ZSCAN25: variants seen among roughly 807,000 people sequenced by gnomAD.
ZSCAN25 encodes zinc finger and SCAN domain containing 25, also known as zinc finger and SCAN domain-containing protein 25.
ZSCAN25 carries 27 observed loss-of-function variants against 38.7 expected under a neutral mutation model. That is an observed-to-expected ratio of 0.70 (90% confidence interval 0.51 to 0.96). ZSCAN25 has a LOEUF of 0.96. ZSCAN25 is among the 40% of genes least tolerant of loss of function. The pLI, the probability that ZSCAN25 is intolerant of heterozygous loss-of-function variation, is 0.00. For synonymous variants in ZSCAN25, 273 were observed against 277.7 expected (o/e 0.98, Z 0.17); for missense variants, 637 against 705.9 (o/e 0.90, Z 1.11).
the ZSCAN25 span, among the ~76,000 whole-genome samples, chr7:99,693,602 C>G: frequency 1.3e-5 from 2 of 152,226 alleles, no homozygotes; most frequent in Admixed American, 1.3e-4. Context: ...GTAAGCTACT[C>G]AAGCCTCAGC....
At chr7:99,722,407 C>A in the ZSCAN25 span, 1 of 1,593,114 alleles carries the variant, frequency 6.3e-7, no homozygotes, top group Non-Finnish European at 8.6e-7. Context: ...AACCCTGCCT[C>A]TAATTGGGGT....
At chr7:99,705,422 A>AT in the ZSCAN25 span, 2 of 1,502,820 alleles carry the variant, frequency 1.3e-6, no homozygotes, top group Non-Finnish European at 1.8e-6. Context: ...TCAGGGTTCT[A>AT]TTTGTAAAGT....
chr7:99,642,683 G>A, the ZSCAN25 span, among the ~76,000 whole-genome samples: 3 of 152,136 alleles, frequency 2.0e-5, no homozygotes, highest in Admixed American at 6.5e-5. Context: ...ATTTTCTTAC[G>A]TAGATTTATT....
At chr7:99,679,597 C>T in the ZSCAN25 span, among the ~76,000 whole-genome samples, 1 of 152,136 alleles carries the variant, frequency 6.6e-6, no homozygotes, top group Non-Finnish European at 1.5e-5. Flanking sequence ...AATGCTGTCC[C>T]TAAACCCTCC....
chr7:99,697,491 G>A, the ZSCAN25 span, among the ~76,000 whole-genome samples: 2 of 152,278 alleles, frequency 1.3e-5, no homozygotes, highest in Admixed American at 6.5e-5. Flanking sequence ...ATCCATATGC[G>A]TCATGTGTGC....
chr7:99,705,147 C>G, the ZSCAN25 span: 1,058 of 247,256 alleles, frequency 4.3e-3, 7 homozygotes, highest in African/African-American at 0.022. Flanking sequence ...AAAATAATTC[C>G]TATTTTTATT....
chr7:99,630,535 G>C lies in ZSCAN25; in HGVS notation c.*515G>C. 1 of 989,778 alleles carries C rather than the reference G, an allele frequency of 1.0e-6. No homozygotes were observed. The highest frequency in any genetic ancestry group is 1.2e-6 in the Non-Finnish European group (1 of 832,870). The allele number at this position is 989,778 out of a possible 1,614,324, so 61.3% of individuals were successfully genotyped here. On this transcript the variant is annotated 3_prime_UTR_variant, in exon 8 of 8. Coordinates refer to ENST00000394152, the MANE Select transcript of ZSCAN25 (RefSeq NM_145115.3). The stretch of plus-strand genomic sequence containing the variant: ...GTGATGCCTCTGGGGGTTGTGCGTT[G>C]GGGATGCATGCGACAGCCCATGACC...
At chr7:99,732,988 C>T in the ZSCAN25 span, among the ~76,000 whole-genome samples, 1 of 152,182 alleles carries the variant, frequency 6.6e-6, no homozygotes, top group African/African-American at 2.4e-5. Flanking sequence ...AATCCAGTGA[C>T]TCTGATAATA....
chr7:99,661,757 C>T, the ZSCAN25 span, among the ~76,000 whole-genome samples: 1 of 152,300 alleles, frequency 6.6e-6, no homozygotes, highest in East Asian at 1.9e-4. Context: ...ATTCAACCAT[C>T]CAATTATTTT....
intron 7 of ZSCAN25, among the ~76,000 whole-genome samples, chr7:99,627,728 C>T (rs898431465): frequency 1.4e-5 from 2 of 144,560 alleles, no homozygotes; most frequent in Admixed American, 7.1e-5. Context: ...ACGTATATCT[C>T]GTATATGCTG....
chr7:99,628,475 G>A (rs1478043183), intron 7 of ZSCAN25, among the ~76,000 whole-genome samples: 1 of 152,172 alleles, frequency 6.6e-6, no homozygotes, highest in Non-Finnish European at 1.5e-5. Flanking sequence ...AGAAGGATCA[G>A]AGTGAGGATG....
chr7:99,714,128 A>G, the ZSCAN25 span, among the ~76,000 whole-genome samples: 2 of 152,212 alleles, frequency 1.3e-5, no homozygotes, highest in African/African-American at 4.8e-5. Context: ...GTGGCCTGAT[A>G]GGACCTTTTG....
the ZSCAN25 span, among the ~76,000 whole-genome samples, chr7:99,731,946 G>A: frequency 6.6e-6 from 1 of 152,146 alleles, no homozygotes; most frequent in African/African-American, 2.4e-5. Context: ...TAAGAACAAG[G>A]ACATTCCTCC....
Position 99,621,468 on chromosome 7 carries a change from T to C in ZSCAN25, c.483T>C (p.Pro161=). ...GIQLGPVEVK[P]EWGMPPGEGV... ...AGCTGGGGCCAGTGGAGGTCAAGCC[T>C]GAATGGGGGATGCCCCCTGGGGAAG... Residue 161 remains proline, a synonymous_variant, in exon 5 of 8, where the codon CCT becomes CCC. Transcript: ENST00000394152. 1.3e-6 allele frequency: 2 copies of C among 1,573,434 alleles called. No individual in the cohort carries two copies. Among genetic ancestry groups the C allele is most frequent in the East Asian group, 2.3e-5 (1 of 42,762 alleles).
chr7:99,627,282 A>T (rs374355065), intron 7 of ZSCAN25, among the ~76,000 whole-genome samples: 3 of 152,230 alleles, frequency 2.0e-5, no homozygotes, highest in Admixed American at 6.5e-5. Context: ...TATATGTAAC[A>T]TCTAGTGCAT....
chr7:99,659,742 A>C, the ZSCAN25 span: 1 of 152,948 alleles, frequency 6.5e-6, no homozygotes, highest in African/African-American at 2.4e-5. Context: ...GCTTCCTGGC[A>C]GCTTTGTTTA....
Position 99,616,978 on chromosome 7 carries a change from C to A in ZSCAN25, c.-297C>A, listed in dbSNP as rs1806499747. On this transcript the variant is annotated 5_prime_UTR_variant, in exon 1 of 8. Coordinates refer to ENST00000394152, the MANE Select transcript of ZSCAN25 (RefSeq NM_145115.3). ...ACTTCCGGACCGCGGATAGCACTGG[C>A]GACCCTAGCGGGTGAGAGGCCCTTC... 1 of 152,368 alleles carries A rather than the reference C, an allele frequency of 6.6e-6. No homozygotes were observed. Among genetic ancestry groups the A allele is most frequent in the African/African-American group, 2.4e-5 (1 of 41,574 alleles). 9.4% of individuals were successfully genotyped at this position (152,368 alleles called of 1,614,324 possible).
rs751974406 is a variant in ZSCAN25 at position 99,622,591 on chromosome 7, A to T, written c.632A>T (p.Asn211Ile). 6 of 1,614,142 alleles carry T rather than the reference A, an allele frequency of 3.7e-6. No homozygotes were observed. The highest frequency in any genetic ancestry group is 5.1e-6 in the Non-Finnish European group (6 of 1,180,028). Residue 211 changes from asparagine (N) to isoleucine (I), a missense_variant, in exon 6 of 8, where the codon AAT (asparagine) becomes ATT (isoleucine). Transcript: ENST00000394152. The part of the protein sequence containing the change: ...LQAGPGLPAV[N>I]PRDQEMAAGF... ...GCGGGTCCTGGCCTCCCCGCAGTGA[A>T]TCCCAGAGACCAAGAGATGGCAGCT...
chr7:99,709,682 G>A, the ZSCAN25 span, among the ~76,000 whole-genome samples: 95 of 152,256 alleles, frequency 6.2e-4, no homozygotes, highest in Non-Finnish European at 1.1e-3. Context: ...TTCTCTGTGC[G>A]ACAAGGATTA....
Sources: gnomAD v4.1 joint callset for allele counts (sites outside exome capture counted in the v4.1 genomes callset) on GRCh38, gnomAD v4.1.1 for gene constraint, MANE v1.5 for transcripts, NCBI Gene and HGNC (gene_info 2026-07-23, HGNC 2026-07-21) for gene names.